Variants in DNM3 observed in about 807,000 individuals in gnomAD.
The protein encoded by DNM3 is dynamin-3.
A neutral mutation model predicts 101.6 loss-of-function variants in DNM3; 47 were observed. The observed-to-expected ratio is 0.46, with a 90% CI of 0.37 to 0.59. The LOEUF is 0.59. Ranked by LOEUF, DNM3 falls within the 20% of genes least tolerant of loss-of-function variation. The pLI, the probability that DNM3 is intolerant of heterozygous loss-of-function variation, is 0.00. For synonymous variants in DNM3, 385 were observed against 387.9 expected (o/e 0.99, Z 0.09); for missense variants, 849 against 1,085.7 (o/e 0.78, Z 3.06).
At chr1:172,058,579 C>G (rs1360160109) in intron 10 of DNM3, among the ~76,000 whole-genome samples, 2 of 152,162 alleles carry the variant, frequency 1.3e-5, no homozygotes, top group Non-Finnish European at 2.9e-5. Flanking sequence ...ACTGAACAAC[C>G]TGCTCTTGAA....
intron 10 of DNM3, among the ~76,000 whole-genome samples, chr1:172,056,502 G>A (rs963962835): frequency 1.2e-4 from 18 of 152,264 alleles, no homozygotes; most frequent in South Asian, 2.1e-4. Flanking sequence ...ATCTGAGAAC[G>A]GGCAGACTGC....
At chr1:172,139,195 A>G (rs373793978) in intron 14 of DNM3, 105 of 288,956 alleles carry the variant, frequency 3.6e-4, no homozygotes, top group African/African-American at 2.3e-3. Flanking sequence ...AGTCCAATTC[A>G]TATTATTACT....
chr1:172,086,790 TATA>T (rs2053562707), intron 12 of DNM3, among the ~76,000 whole-genome samples: 1 of 152,094 alleles, frequency 6.6e-6, no homozygotes. Context: ...TTCTTTACTC[TATA>T]GCACTGTTGC....
intron 4 of DNM3, among the ~76,000 whole-genome samples, chr1:171,998,285 G>C (rs917958387): frequency 6.6e-6 from 1 of 152,120 alleles, no homozygotes; most frequent in African/African-American, 2.4e-5. Flanking sequence ...AAGTTACACT[G>C]TGGTTTGCTC....
At chr1:171,958,851 C>T (rs2043028579) in intron 2 of DNM3, among the ~76,000 whole-genome samples, 1 of 152,172 alleles carries the variant, frequency 6.6e-6, no homozygotes, top group African/African-American at 2.4e-5. Context: ...CACATAGTTT[C>T]TGCTAATGTT....
chr1:171,848,675 G>T (rs2032527262), intron 1 of DNM3, among the ~76,000 whole-genome samples: 1 of 152,148 alleles, frequency 6.6e-6, no homozygotes, highest in South Asian at 2.1e-4. Context: ...GCATCCTTCA[G>T]TTTGCCTGTT....
rs12064559 is a variant in DNM3, at chr1:171,904,969, G to A, written c.162-16779G>A. 1.8e-3 allele frequency among the ~76,000 whole-genome samples: 275 copies of A among 152,240 alleles called. 1 individual carries two copies. Among genetic ancestry groups the A allele is most frequent in the African/African-American group, 6.3e-3 (260 of 41,498 alleles). On this transcript the variant is annotated intron_variant, in intron 1 of 20. Transcript: ENST00000627582. The stretch of plus-strand genomic sequence containing the variant: ...AGGCCTTGCCTAATTTTCCTTCATT[G>A]CATCATCTTTGAGGTCCTTACACCA...
intron 15 of DNM3, among the ~76,000 whole-genome samples, chr1:172,291,400 C>G (rs1344234299): frequency 6.6e-6 from 1 of 152,134 alleles, no homozygotes; most frequent in Non-Finnish European, 1.5e-5. Context: ...GGTGGAAGTT[C>G]ATGCGGACCT....
At chr1:172,009,009 ATGC>A in intron 4 of DNM3, among the ~76,000 whole-genome samples, 2 of 65,212 alleles carry the variant, frequency 3.1e-5, no homozygotes, top group Middle Eastern at 6.4e-3. Context: ...TATATATAAC[ATGC>A]ATGTACTTAT....
chr1:172,266,815 T>C (rs1345859239), intron 15 of DNM3, among the ~76,000 whole-genome samples: 1 of 152,058 alleles, frequency 6.6e-6, no homozygotes, highest in East Asian at 1.9e-4. Flanking sequence ...AATAAATCAG[T>C]TTGAGAGTAG....
At chr1:172,357,559 GA>G (rs1295071834) in intron 17 of DNM3, among the ~76,000 whole-genome samples, 1 of 151,972 alleles carries the variant, frequency 6.6e-6, no homozygotes, top group East Asian at 1.9e-4. Flanking sequence ...CATAAAAGAT[GA>G]AAAAAGACTG....
At chr1:172,173,186 G>A (rs1208415884) in intron 14 of DNM3, among the ~76,000 whole-genome samples, 1 of 151,862 alleles carries the variant, frequency 6.6e-6, no homozygotes, top group South Asian at 2.1e-4. Flanking sequence ...TAGAACTAAG[G>A]CACTGACGGT....
At chr1:172,213,962 C>CT (rs2060604045) in intron 14 of DNM3, among the ~76,000 whole-genome samples, 3 of 152,078 alleles carry the variant, frequency 2.0e-5, no homozygotes, top group Admixed American at 1.3e-4. Flanking sequence ...AAGAGTTTTA[C>CT]TGTAAAGCAA....
chr1:172,315,500 G>A (rs534165096), intron 16 of DNM3, among the ~76,000 whole-genome samples: 25 of 152,282 alleles, frequency 1.6e-4, no homozygotes, highest in African/African-American at 6.0e-4. Context: ...AAAAAATTTA[G>A]ACAAATGTAT....
At chr1:172,339,028 TG>T in intron 17 of DNM3, 1 of 482,310 alleles carries the variant, frequency 2.1e-6, no homozygotes, top group Non-Finnish European at 4.2e-6. Flanking sequence ...TGATGTTCAT[TG>T]ACATTTGGTT....
intron 1 of DNM3, among the ~76,000 whole-genome samples, chr1:171,871,262 T>C (rs992333210): frequency 3.9e-5 from 6 of 152,206 alleles, no homozygotes; most frequent in Non-Finnish European, 5.9e-5. Flanking sequence ...GCAACTCAAA[T>C]TGACAGGAAG....
chr1:171,914,130 G>C (rs2039519334), intron 1 of DNM3, among the ~76,000 whole-genome samples: 1 of 152,028 alleles, frequency 6.6e-6, no homozygotes, highest in Non-Finnish European at 1.5e-5. Flanking sequence ...AGTTTTAAAA[G>C]AGATTTCTCT....
At chr1:171,881,829 G>A (rs2125128442) in intron 1 of DNM3, among the ~76,000 whole-genome samples, 1 of 152,292 alleles carries the variant, frequency 6.6e-6, no homozygotes, top group Non-Finnish European at 1.5e-5. Context: ...GAAGGGATTT[G>A]TCCCTCTCTT....
In DNM3 at chr1:172,262,551, C is replaced by T. The variant is rs145654463; in HGVS notation, c.1769+8869C>T. Among the ~76,000 whole-genome samples the T allele has an allele frequency of 8.6e-4, 131 of 152,280 alleles. 4 individuals are homozygous for T. The East Asian group carries it at 0.022, about 26-fold the overall frequency. ...TCACACTTTCCCCACATTAAGGAGC[C>T]ACTCCAGACCCTCAGCTGATCCAGC... On this transcript the variant is annotated intron_variant, in intron 15 of 20. Coordinates refer to ENST00000627582, the MANE Select transcript of DNM3 (RefSeq NM_015569.5).
Sources: gnomAD v4.1 joint callset for allele counts (sites outside exome capture counted in the v4.1 genomes callset) on GRCh38, gnomAD v4.1.1 for gene constraint, MANE v1.5 for transcripts, NCBI Gene and HGNC (gene_info 2026-07-23, HGNC 2026-07-21) for gene names.